The following PLEKHG5 variants were observed in gnomAD, a reference collection of about 807,000 sequenced individuals.
PLEKHG5 encodes the protein pleckstrin homology and RhoGEF domain containing G5, also known as pleckstrin homology domain-containing family G member 5.
In PLEKHG5, 52 loss-of-function variants were observed where a neutral mutation model predicts 103.8. That is an observed-to-expected ratio of 0.50 (90% confidence interval 0.40 to 0.63). The LOEUF (loss-of-function observed/expected upper bound fraction) is 0.63. Among genes scored for constraint, PLEKHG5 ranks in the 30% least tolerant of loss-of-function variants. The pLI is 0.00. For synonymous variants in PLEKHG5, 592 were observed against 575.5 expected, an observed-to-expected ratio of 1.03 and a Z score of -0.41; for missense variants, 1,205 against 1,347.6, an observed-to-expected ratio of 0.89 and a Z score of 1.66.
intron 1 of PLEKHG5, among the ~76,000 whole-genome samples, chr1:6,479,800 C>A (rs1432061051): frequency 2.0e-5 from 3 of 152,034 alleles, no homozygotes; most frequent in Non-Finnish European, 2.9e-5. Flanking sequence ...TTAGTAGTGA[C>A]AGATCTCACT....
chr1:6,471,645 C>T lies in PLEKHG5; in HGVS notation c.1132-8G>A. On this transcript the variant is annotated splice_region_variant and splice_polypyrimidine_tract_variant and intron_variant, in intron 11 of 20. Transcript: ENST00000377728. The stretch of plus-strand genomic sequence containing the variant: ...CAGGCGCTCCGCCTCCACCTGGGCG[C>T]GGCGGGAGGTGCGGTTGGCCACGCC... 1 of 1,573,960 alleles carries T rather than the reference C, an allele frequency of 6.4e-7. No individual in the cohort carries two copies. Among genetic ancestry groups the T allele is most frequent in the Non-Finnish European group, 8.6e-7 (1 of 1,161,184 alleles).
At chr1:6,493,507 T>C (rs970578746), upstream of PLEKHG5, among the ~76,000 whole-genome samples, 2 of 152,200 alleles carry the variant, frequency 1.3e-5, no homozygotes, top group African/African-American at 4.8e-5. Flanking sequence ...TCTACCTCTC[T>C]GGGCCTCCGT....
Position 6,502,602 on chromosome 1 carries a change from G to A in PLEKHG5, c.-164-6033C>T, listed in dbSNP as rs145369662. 2.1e-3 allele frequency among the ~76,000 whole-genome samples: 323 copies of A among 152,350 alleles called. 1 individual carries two copies. Among genetic ancestry groups the A allele is most frequent in the Admixed American group, 4.0e-3 (61 of 15,304 alleles). On this transcript the variant is annotated intron_variant, in intron 1 of 21. Coordinates refer to the PLEKHG5 transcript ENST00000377740. Reference sequence around the variant, plus strand: ...GCGGGCGCCTGCCCATCTGCCCCCCGTGGGCTTCCTCCAGAGGTTCCTCAG... The same window carrying A: ...GCGGGCGCCTGCCCATCTGCCCCCCATGGGCTTCCTCCAGAGGTTCCTCAG...
chr1:6,503,582 T>C (rs560826293), intron 1 of PLEKHG5, among the ~76,000 whole-genome samples: 268 of 152,212 alleles, frequency 1.8e-3, no homozygotes, highest in Non-Finnish European at 3.0e-3. Context: ...TAATTTTTTG[T>C]ATTTTTTAGT....
chr1:6,509,047 C>T (rs971682686), intron 1 of PLEKHG5, among the ~76,000 whole-genome samples: 24 of 152,306 alleles, frequency 1.6e-4, no homozygotes, highest in African/African-American at 1.9e-4. Context: ...GAGAGGCAGG[C>T]GGGCCCTCAG....
rs184973837 is a variant in PLEKHG5, at chr1:6,512,779, G to A, written c.-165+6666C>T. On this transcript the variant is annotated intron_variant, in intron 1 of 21. Coordinates refer to the PLEKHG5 transcript ENST00000377740. ...TCCAACACAGCCTCCAGAACCAGCCGGGCTCCCCGGGTTCAAATCCCAGCT... is the reference window on the plus strand; with the variant it reads ...TCCAACACAGCCTCCAGAACCAGCCAGGCTCCCCGGGTTCAAATCCCAGCT... Among the ~76,000 whole-genome samples, 342 of 152,276 alleles carry A rather than the reference G, an allele frequency of 2.2e-3. 1 individual carries two copies. The highest frequency in any genetic ancestry group is 3.5e-3 in the Non-Finnish European group (239 of 68,018).
At position 6,468,275 on chromosome 1, in the gene PLEKHG5, G is replaced by T; in HGVS notation, c.2561C>A (p.Pro854His). The T allele has an allele frequency of 6.2e-7, 1 of 1,608,290 alleles. No homozygotes were observed. Among genetic ancestry groups the T allele is most frequent in the Non-Finnish European group, 8.5e-7 (1 of 1,176,730 alleles). ...GGTGCGGCGGCGGAGACGGGGCGAG[G>T]GTGGAGGGGAAGGAACTCGTGGGGA... ...PESPRVPSPP[P>H]SPRLRRRTPV... Residue 854 changes from proline to histidine, a missense_variant, in exon 20 of 21, where the codon CCC (proline) becomes CAC (histidine). Coordinates refer to ENST00000377728, the MANE Select transcript of PLEKHG5 (RefSeq NM_020631.6).
rs1644719363 is a variant in PLEKHG5, at chr1:6,475,066, T to C, written c.283A>G (p.Met95Val). ...CCCTACCCCAGTGACTTCTTCTTCATGGCTGGGACGATCTCTGTCTCAATG... is the reference window on the plus strand; with the variant it reads ...CCCTACCCCAGTGACTTCTTCTTCACGGCTGGGACGATCTCTGTCTCAATG... ...VDIETEIVPA[M>V]KKKSLGEVLL... is the part of the protein sequence containing the mutation. The change falls in exon 5 of 21, where the codon ATG (methionine) becomes GTG (valine). Residue 95 changes from methionine to valine, a missense_variant. Physicochemically the swap from Met to Val is conservative, Grantham distance 21. Coordinates refer to ENST00000377728, the MANE Select transcript of PLEKHG5 (RefSeq NM_020631.6). The C allele has an allele frequency of 2.5e-6, 4 of 1,607,796 alleles. No homozygotes were observed. The highest frequency in any genetic ancestry group is 4.5e-5 in the East Asian group (2 of 44,846).
Position 6,483,364 on chromosome 1 carries a change from T to G in PLEKHG5, c.-87-5706A>C, listed in dbSNP as rs190003229. On this transcript the variant is annotated intron_variant, in intron 1 of 20. Transcript: ENST00000377728. ...ACCCTTCAGGAGTGATCTTCAACTG[T>G]GCTTGTGGGGCTTGAAGTGAGGGTG... Among the ~76,000 whole-genome samples the G allele has an allele frequency of 1.1e-4, 16 of 152,324 alleles. No individual in the cohort carries two copies. The East Asian group carries it at 2.7e-3, about 26-fold the overall frequency.
rs890045136 is a variant in PLEKHG5, at chr1:6,490,188, G to A, written c.-88+1449C>T. The stretch of plus-strand genomic sequence containing the variant: ...GCCCCGCCAATACCCCCCATACCGG[G>A]GCCAGGGTCCCATAGACTCCTCACG... On this transcript the variant is annotated intron_variant, in intron 1 of 20. Coordinates refer to ENST00000377728, the MANE Select transcript of PLEKHG5 (RefSeq NM_020631.6). This position sits in a 1 kb window ranked among gnomAD's most constrained non-coding sequence, Gnocchi z 8.0. Among the ~76,000 whole-genome samples the A allele has an allele frequency of 4.6e-5, 7 of 152,246 alleles. 1 individual carries two copies. Among genetic ancestry groups the A allele is most frequent in the African/African-American group, 1.7e-4 (7 of 41,542 alleles).
chr1:6,471,762 C>G lies in PLEKHG5; in HGVS notation c.1127G>C (p.Cys376Ser), dbSNP rs780446983. ...CGCCCCCGAATCCCAGCGCACCTCA[C>G]ACAGCAGCCCTGACTCTTGCAGGTT... Reference protein sequence around the residue: ...LLNLQESGLLCEVEAERLFSN... With the variant: ...LLNLQESGLLSEVEAERLFSN... The change falls in exon 11 of 21, where the codon TGT (cysteine) becomes TCT (serine). Residue 376 changes from cysteine (C) to serine (S), a missense_variant. By Grantham distance (112) the Cys-to-Ser change is moderately radical. Transcript: ENST00000377728. 1 of 1,610,160 alleles carries G rather than the reference C, an allele frequency of 6.2e-7. No individual in the cohort carries two copies.
At chr1:6,507,625 CG>C (rs1157677339) in intron 1 of PLEKHG5, among the ~76,000 whole-genome samples, 1 of 151,444 alleles carries the variant, frequency 6.6e-6, no homozygotes, top group Admixed American at 6.6e-5. Flanking sequence ...TTCCGGGGGG[CG>C]GGGGGATGGA....
chr1:6,495,049 C>A (rs567968434), upstream of PLEKHG5, among the ~76,000 whole-genome samples: 1 of 152,242 alleles, frequency 6.6e-6, no homozygotes, highest in African/African-American at 2.4e-5. Flanking sequence ...GAGGACCCCC[C>A]CTGAGAGCAG....
chr1:6,485,652 G>A (rs917502744), intron 1 of PLEKHG5, among the ~76,000 whole-genome samples: 1 of 7,592 alleles, frequency 1.3e-4, no homozygotes, highest in East Asian at 2.7e-3. Context: ...CCGCCTCCCC[G>A]CCCGGGAACC....
chr1:6,502,935 T>G (rs1343688016), intron 1 of PLEKHG5, among the ~76,000 whole-genome samples: 1 of 152,148 alleles, frequency 6.6e-6, no homozygotes, highest in Non-Finnish European at 1.5e-5. Context: ...CGGGGAGAGC[T>G]GGGGCAGGCA....
chr1:6,485,315 G>A, intron 1 of PLEKHG5: 2 of 1,406,376 alleles, frequency 1.4e-6, no homozygotes, highest in Non-Finnish European at 9.2e-7. Context: ...CCCCGTCCCG[G>A]CCCCGTACCT....
At position 6,471,047 on chromosome 1, in the gene PLEKHG5, G is replaced by A; in HGVS notation, c.1335C>T (p.Cys445=). 4 of 1,605,436 alleles carry A rather than the reference G, an allele frequency of 2.5e-6. No homozygotes were observed. Among genetic ancestry groups the A allele is most frequent in the Non-Finnish European group, 3.4e-6 (4 of 1,176,466 alleles). Reference sequence around the variant, plus strand: ...GCAGCAGGCCGCGCATGTACTCCATGCAGCCCTCCTCCTCCATGCAGTAGC... The same window carrying A: ...GCAGCAGGCCGCGCATGTACTCCATACAGCCCTCCTCCTCCATGCAGTAGC... ...YIRYCMEEEG[C]MEYMRGLLRD... is the part of the protein sequence containing the mutation. The change falls in exon 13 of 21, where the codon TGC becomes TGT. Residue 445 remains cysteine (C), a synonymous_variant. Coordinates refer to ENST00000377728, the MANE Select transcript of PLEKHG5 (RefSeq NM_020631.6).
rs776272412 is a variant in PLEKHG5, at chr1:6,473,098, C to G, written c.872G>C (p.Gly291Ala). ...SLFGLPRLPR[G>A]LRFDHDSWEE... is the part of the protein sequence containing the mutation. ...CCAGGAGTCATGGTCGAAGCGCAGCCCCCGGGGCAGCCTGGGCAGCCCGAA... is the reference window on the plus strand; with the variant it reads ...CCAGGAGTCATGGTCGAAGCGCAGCGCCCGGGGCAGCCTGGGCAGCCCGAA... The change falls in exon 9 of 21, where the codon GGG becomes GCG. Residue 291 changes from glycine (G) to alanine (A), a missense_variant. Physicochemically the swap from Gly to Ala is moderately conservative, Grantham distance 60. Coordinates refer to ENST00000377728, the MANE Select transcript of PLEKHG5 (RefSeq NM_020631.6). 2 of 1,613,984 alleles carry G rather than the reference C, an allele frequency of 1.2e-6. No homozygotes were observed. Among genetic ancestry groups the G allele is most frequent in the South Asian group, 2.2e-5 (2 of 91,086 alleles).
Position 6,475,980 on chromosome 1 carries a change from C to T in PLEKHG5, c.100G>A (p.Ala34Thr), listed in dbSNP as rs760113279. The T allele has an allele frequency of 5.5e-5, 88 of 1,613,958 alleles. No individual in the cohort carries two copies. In the East Asian group the frequency reaches 1.7e-3, roughly 31 times the overall value. Residue 34 changes from alanine to threonine, a missense_variant, in exon 3 of 21, where the codon GCA (alanine) becomes ACA (threonine). Physicochemically the swap from Ala to Thr is moderately conservative, Grantham distance 58. Transcript: ENST00000377728. ...TCCTCCTCCTCCTCCAAGTCCACTG[C>T]GGGGCTGGTGCGCGGCGGGCATGAC... Reference protein sequence around the residue: ...TRSCPPRTSPAVDLEEEEEES... With the variant: ...TRSCPPRTSPTVDLEEEEEES...
Sources: gnomAD v4.1 joint callset for allele counts (sites outside exome capture counted in the v4.1 genomes callset) on GRCh38, gnomAD v4.1.1 for gene constraint, Gnocchi (gnomAD v3.1) non-coding constraint, MANE v1.5 for transcripts, NCBI Gene and HGNC (gene_info 2026-07-23, HGNC 2026-07-21) for gene names.